LCLAT1: variants seen among roughly 807,000 people sequenced by gnomAD.
The protein encoded by LCLAT1 is lysocardiolipin acyltransferase 1.
A neutral mutation model predicts 30.7 loss-of-function variants in LCLAT1; 11 were observed. The observed-to-expected ratio is 0.36, with a 90% confidence interval of 0.23 to 0.59. The LOEUF is 0.59. Among genes scored for constraint, LCLAT1 ranks in the 20% least tolerant of loss-of-function variants. The pLI, the probability that LCLAT1 is intolerant of heterozygous loss-of-function variation, is 0.77. For missense variants in LCLAT1, 402 were observed against 458.6 expected (o/e 0.88, Z 1.13); for synonymous variants, 155 against 151.3 (o/e 1.02, Z -0.18).
intron 1 of LCLAT1, among the ~76,000 whole-genome samples, chr2:30,484,161 T>G (rs754886110): frequency 6.6e-6 from 1 of 152,174 alleles, no homozygotes; most frequent in Non-Finnish European, 1.5e-5. Context: ...ATCCATCATA[T>G]TCTCTGTATT....
chr2:30,476,423 AT>A (rs1486880622), intron 1 of LCLAT1: 2 of 456,568 alleles, frequency 4.4e-6, no homozygotes, highest in Non-Finnish European at 8.8e-6. Context: ...CACTTGAATT[AT>A]CTCCTGATTT....
At chr2:30,529,702 A>G (rs1685896790) in intron 2 of LCLAT1, among the ~76,000 whole-genome samples, 1 of 152,202 alleles carries the variant, frequency 6.6e-6, no homozygotes, top group African/African-American at 2.4e-5. Context: ...TTCTGATACC[A>G]TTCCAGTCCT....
At chr2:30,460,047 T>A (rs572585912) in intron 1 of LCLAT1, among the ~76,000 whole-genome samples, 1 of 152,352 alleles carries the variant, frequency 6.6e-6, no homozygotes, top group East Asian at 1.9e-4. Context: ...AAATATTAAA[T>A]TTTTTGGAGG....
chr2:30,474,173 C>A (rs558448658), intron 1 of LCLAT1, among the ~76,000 whole-genome samples: 1 of 152,030 alleles, frequency 6.6e-6, no homozygotes, highest in South Asian at 2.1e-4. Flanking sequence ...TGAAATGGAC[C>A]CAAGTGGAGA....
chr2:30,624,416 G>C (rs1014335515), intron 5 of LCLAT1, among the ~76,000 whole-genome samples: 1 of 152,166 alleles, frequency 6.6e-6, no homozygotes, highest in African/African-American at 2.4e-5. Flanking sequence ...AGGTAAAGGG[G>C]TGGGAAAGAT....
chr2:30,465,496 A>G (rs969046931), intron 1 of LCLAT1, among the ~76,000 whole-genome samples: 4 of 152,210 alleles, frequency 2.6e-5, no homozygotes, highest in Non-Finnish European at 5.9e-5. Context: ...CAGCGATAGG[A>G]AACTACTGTA....
At chr2:30,592,035 A>G (rs953591939) in intron 5 of LCLAT1, among the ~76,000 whole-genome samples, 1 of 152,172 alleles carries the variant, frequency 6.6e-6, no homozygotes, top group Non-Finnish European at 1.5e-5. Context: ...GGTATTGTTC[A>G]TCTTTGTGAT....
chr2:30,481,269 T>C (rs1014282609), intron 1 of LCLAT1, among the ~76,000 whole-genome samples: 1 of 152,226 alleles, frequency 6.6e-6, no homozygotes, highest in African/African-American at 2.4e-5. Flanking sequence ...TGGATTTACA[T>C]TGTAAGATTA....
At chr2:30,484,671 A>T (rs1414026595) in intron 1 of LCLAT1, among the ~76,000 whole-genome samples, 2 of 152,164 alleles carry the variant, frequency 1.3e-5, no homozygotes, top group African/African-American at 4.8e-5. Context: ...CACATTCTAT[A>T]AATGTTAGCC....
intron 1 of LCLAT1, among the ~76,000 whole-genome samples, chr2:30,516,470 C>CTAAGTGCAT (rs1685190000): frequency 2.0e-5 from 3 of 152,048 alleles, no homozygotes; most frequent in Non-Finnish European, 2.9e-5. Flanking sequence ...TGTTTCTGCG[C>CTAAGTGCAT]GGCTAAGTGC....
intron 1 of LCLAT1, among the ~76,000 whole-genome samples, chr2:30,523,795 G>A (rs908665689): frequency 6.6e-6 from 1 of 152,208 alleles, no homozygotes; most frequent in Admixed American, 6.5e-5. Context: ...TTGAACCCGG[G>A]AGGCAGAGCT....
chr2:30,500,271 A>G (rs945796187), intron 1 of LCLAT1, among the ~76,000 whole-genome samples: 3 of 152,230 alleles, frequency 2.0e-5, no homozygotes, highest in Admixed American at 2.0e-4. Flanking sequence ...CCTATAATAC[A>G]TACATAAGAA....
chr2:30,634,924 A>G (rs1012555946), intron 5 of LCLAT1, among the ~76,000 whole-genome samples: 4 of 152,224 alleles, frequency 2.6e-5, no homozygotes, highest in Non-Finnish European at 4.4e-5. Flanking sequence ...GGAGAAGCTC[A>G]GTTGTTTGTT....
chr2:30,514,451 A>G (rs936174976), intron 1 of LCLAT1, among the ~76,000 whole-genome samples: 1 of 152,186 alleles, frequency 6.6e-6, no homozygotes, highest in Non-Finnish European at 1.5e-5. Flanking sequence ...AGTGTTCACA[A>G]TTCAGTTTTG....
intron 5 of LCLAT1, among the ~76,000 whole-genome samples, chr2:30,615,873 T>C (rs538793725): frequency 2.0e-5 from 3 of 152,310 alleles, no homozygotes; most frequent in East Asian, 1.9e-4. Flanking sequence ...TTCAGACTGA[T>C]TGAATGATCA....
intron 3 of LCLAT1, among the ~76,000 whole-genome samples, chr2:30,540,882 C>T (rs1664105538): frequency 6.6e-6 from 1 of 152,028 alleles, no homozygotes; most frequent in South Asian, 2.1e-4. Context: ...CCAAGCTGGT[C>T]TTGAACTCCT....
chr2:30,636,704 A>G (rs1355625778), intron 5 of LCLAT1, among the ~76,000 whole-genome samples: 5 of 152,196 alleles, frequency 3.3e-5, no homozygotes, highest in Non-Finnish European at 7.4e-5. Context: ...CACCTTTACT[A>G]TAGATCATCA....
At chr2:30,507,868 C>T (rs1034575302) in intron 1 of LCLAT1, among the ~76,000 whole-genome samples, 7 of 152,136 alleles carry the variant, frequency 4.6e-5, no homozygotes, top group African/African-American at 2.4e-5. Flanking sequence ...AGAATTGCCA[C>T]ACTGTTTAAC....
chr2:30,449,728 G>A (rs1681455086), intron 1 of LCLAT1, among the ~76,000 whole-genome samples: 1 of 152,122 alleles, frequency 6.6e-6, no homozygotes, highest in Non-Finnish European at 1.5e-5. Flanking sequence ...TTGAGCTCCC[G>A]ACCTCAGGTG....
Sources: gnomAD v4.1 joint callset for allele counts (sites outside exome capture counted in the v4.1 genomes callset) on GRCh38, gnomAD v4.1.1 for gene constraint, MANE v1.5 for transcripts, NCBI Gene and HGNC (gene_info 2026-07-23, HGNC 2026-07-21) for gene names.